PLPP4: variants seen among roughly 807,000 people sequenced by gnomAD.
The protein encoded by PLPP4 is phospholipid phosphatase 4, also known as diacylglycerol pyrophosphate like 2.
Under a neutral mutation model 32.2 loss-of-function variants are expected in PLPP4, and 20 were observed. That is an observed-to-expected ratio of 0.62 (90% CI 0.44 to 0.90). The LOEUF (loss-of-function observed/expected upper bound fraction) is 0.90, where lower values mean the gene tolerates loss of function less well. Ranked by LOEUF, PLPP4 falls within the 40% of genes least tolerant of loss-of-function variation. PLPP4 has a pLI of 0.00. For synonymous variants in PLPP4, 127 were observed against 133.0 expected (o/e 0.95, Z 0.31); for missense variants, 257 against 353.1 (o/e 0.73, Z 2.18).
intron 3 of PLPP4, 36 bp downstream of exon 3, chr10:120,514,037 GC>G (rs1223927399): frequency 6.9e-7 from 1 of 1,444,586 alleles, no homozygotes; most frequent in Non-Finnish European, 9.7e-7. Context: ...AGGGAATGGG[GC>G]TGACCTTAAT....
At chr10:120,586,553 C>A (rs11597338) in intron 6 of PLPP4, among the ~76,000 whole-genome samples, 46,648 of 151,918 alleles carry the variant, frequency 0.31, 7,241 homozygotes, top group African/African-American at 0.32. Context: ...ACTTGTGGTT[C>A]CATGCTAATA....
chr10:120,513,752 A>G (rs537595981), intron 2 of PLPP4, among the ~76,000 whole-genome samples, 159 bp from the exon 3 acceptor site: 2 of 121,792 alleles, frequency 1.6e-5, no homozygotes, highest in Admixed American at 1.9e-4. Flanking sequence ...CTAAACACAG[A>G]CATACATCAT....
At chr10:120,573,628 T>C (rs1849044980) in intron 5 of PLPP4, among the ~76,000 whole-genome samples, 1 of 152,198 alleles carries the variant, frequency 6.6e-6, no homozygotes, top group Non-Finnish European at 1.5e-5. Context: ...TCATTTTCAG[T>C]TTTTCAATAT....
intron 5 of PLPP4, among the ~76,000 whole-genome samples, chr10:120,528,119 G>A (rs929884640): frequency 1.7e-5 from 2 of 118,590 alleles, no homozygotes; most frequent in African/African-American, 6.5e-5. Flanking sequence ...CTGTCGCCCA[G>A]GCTGGAGTGC....
intron 1 of PLPP4, among the ~76,000 whole-genome samples, chr10:120,462,044 G>A (rs1469642562): frequency 6.6e-6 from 1 of 152,212 alleles, no homozygotes; most frequent in Non-Finnish European, 1.5e-5. Flanking sequence ...GTTGGAGCAA[G>A]GTGCTAGGTT....
intron 5 of PLPP4, among the ~76,000 whole-genome samples, chr10:120,548,101 G>C (rs1463611852): frequency 6.6e-6 from 1 of 152,042 alleles, no homozygotes; most frequent in Non-Finnish European, 1.5e-5. Context: ...TTTAGATTTA[G>C]GGGTATATGT....
chr10:120,531,383 C>T (rs935601691), intron 5 of PLPP4, among the ~76,000 whole-genome samples: 4 of 152,072 alleles, frequency 2.6e-5, no homozygotes, highest in Admixed American at 6.6e-5. Flanking sequence ...GGATTACAGA[C>T]GTGAGCCACC....
At chr10:120,533,465 G>T (rs1349010345) in intron 5 of PLPP4, among the ~76,000 whole-genome samples, 2 of 152,152 alleles carry the variant, frequency 1.3e-5, no homozygotes, top group African/African-American at 4.8e-5. Flanking sequence ...TATTCTGTGG[G>T]TTGTATTTTT....
intron 5 of PLPP4, among the ~76,000 whole-genome samples, chr10:120,566,543 C>CTTTTTT (rs35692314): frequency 7.1e-6 from 1 of 141,038 alleles, no homozygotes. Context: ...CCTACTTATT[C>CTTTTTT]TTTTTTTTTT....
chr10:120,488,580 C>G (rs80035990), intron 1 of PLPP4, among the ~76,000 whole-genome samples: 6 of 152,192 alleles, frequency 3.9e-5, no homozygotes, highest in African/African-American at 1.2e-4. Flanking sequence ...CATTGAAGGG[C>G]AAGAGGCTCC....
At chr10:120,546,538 C>T (rs1847630664) in intron 5 of PLPP4, among the ~76,000 whole-genome samples, 1 of 152,162 alleles carries the variant, frequency 6.6e-6, no homozygotes, top group Non-Finnish European at 1.5e-5. Flanking sequence ...CTCTCCTACC[C>T]ATTTGAGAAG....
At chr10:120,520,897 G>A in intron 4 of PLPP4, 74 bp from the exon 5 acceptor site, 1 of 1,577,712 alleles carries the variant, frequency 6.3e-7, no homozygotes, top group Non-Finnish European at 8.6e-7. Context: ...GCAGTGGGGA[G>A]TTGGGGGGGT....
intron 5 of PLPP4, among the ~76,000 whole-genome samples, chr10:120,574,166 ACACTCTCTCTCTCTCTCT>A (rs1487070804): frequency 2.8e-3 from 133 of 47,990 alleles, no homozygotes; most frequent in African/African-American, 0.01. Flanking sequence ...ACACACACAC[ACACTCTCTCTCTCTCTCT>A]CTCTCTCTCT....
At chr10:120,506,373 T>C (rs1845490699) in intron 2 of PLPP4, among the ~76,000 whole-genome samples, 2 of 152,228 alleles carry the variant, frequency 1.3e-5, no homozygotes, top group Non-Finnish European at 1.5e-5. Flanking sequence ...GTTTTAAGAA[T>C]TTAATATAAG....
At chr10:120,462,863 T>TAGA in intron 1 of PLPP4, among the ~76,000 whole-genome samples, 1 of 152,206 alleles carries the variant, frequency 6.6e-6, no homozygotes, top group African/African-American at 2.4e-5. Context: ...GGTGGCCCTG[T>TAGA]AGAACCCTGT....
At chr10:120,506,788 G>T (rs1045374071) in intron 2 of PLPP4, among the ~76,000 whole-genome samples, 1 of 152,208 alleles carries the variant, frequency 6.6e-6, no homozygotes, top group African/African-American at 2.4e-5. Flanking sequence ...CACTTTCGCT[G>T]TCTGTGGCAC....
At chr10:120,488,322 T>C (rs1036443985) in intron 1 of PLPP4, among the ~76,000 whole-genome samples, 1 of 152,218 alleles carries the variant, frequency 6.6e-6, no homozygotes, top group Non-Finnish European at 1.5e-5. Flanking sequence ...AGTGAGTGAA[T>C]GAATGAATGA....
At chr10:120,558,945 A>G (rs1340794244) in intron 5 of PLPP4, among the ~76,000 whole-genome samples, 2 of 152,174 alleles carry the variant, frequency 1.3e-5, no homozygotes, top group East Asian at 1.9e-4. Context: ...ATAACTAATG[A>G]CAAACTGTTT....
intron 5 of PLPP4, among the ~76,000 whole-genome samples, chr10:120,529,185 CGT>C (rs71819744): frequency 0.46 from 68,545 of 150,480 alleles, 15,519 homozygotes; most frequent in South Asian, 0.57. Flanking sequence ...CACAAGTGTG[CGT>C]GTGTGTGTGT....
Sources: allele counts gnomAD v4.1 joint callset (sites outside exome capture counted in the v4.1 genomes callset), GRCh38; gene constraint gnomAD v4.1.1; transcripts MANE v1.5; gene names NCBI Gene and HGNC (gene_info 2026-07-23, HGNC 2026-07-21).